Variants in ROBO1 observed in about 807,000 individuals in gnomAD.
ROBO1 encodes the protein roundabout guidance receptor 1, also known as roundabout homolog 1.
Under a neutral mutation model 195.9 loss-of-function variants are expected in ROBO1, and 149 were observed. The ratio of observed to expected loss-of-function variants is 0.76; its 90% CI spans 0.67 to 0.87. ROBO1 has a LOEUF of 0.87. ROBO1 is among the 40% of genes least tolerant of loss of function. The pLI, the probability that ROBO1 is intolerant of heterozygous loss-of-function variation, is 0.00. For synonymous variants in ROBO1, 816 were observed against 733.2 expected (o/e 1.11, Z -1.82); for missense variants, 1,933 against 2,068.3 (o/e 0.93, Z 1.27).
chr3:79,138,916 T>C (rs1268862121), intron 2 of ROBO1, among the ~76,000 whole-genome samples: 1 of 151,846 alleles, frequency 6.6e-6, no homozygotes, highest in African/African-American at 2.4e-5. Context: ...ATTAAAGTGA[T>C]ATTATAACAA....
intron 2 of ROBO1, among the ~76,000 whole-genome samples, chr3:79,525,537 C>CAG (rs1404961879): frequency 7.3e-6 from 1 of 137,582 alleles, no homozygotes; most frequent in Non-Finnish European, 1.5e-5. Flanking sequence ...ATTTATACTT[C>CAG]AGATATATAT....
At chr3:79,228,598 T>C (rs2082267266) in intron 2 of ROBO1, among the ~76,000 whole-genome samples, 1 of 152,096 alleles carries the variant, frequency 6.6e-6, no homozygotes, top group African/African-American at 2.4e-5. Flanking sequence ...TCCATTGCCA[T>C]AAATGGTTAC....
intron 2 of ROBO1, among the ~76,000 whole-genome samples, chr3:79,504,096 A>G (rs78936780): frequency 0.072 from 11,005 of 152,204 alleles, 575 homozygotes; most frequent in East Asian, 0.19. Flanking sequence ...TAAAAAATTA[A>G]CAATTATAAC....
At chr3:78,661,336 G>T in intron 15 of ROBO1, 75 bp from the exon 16 acceptor site, 5 of 921,540 alleles carry the variant, frequency 5.4e-6, no homozygotes, top group Non-Finnish European at 6.0e-6. Context: ...AAAATTAAAC[G>T]TTATAAAATG....
intron 2 of ROBO1, among the ~76,000 whole-genome samples, chr3:79,341,311 T>A (rs1434306740): frequency 6.6e-6 from 1 of 152,146 alleles, no homozygotes; most frequent in Non-Finnish European, 1.5e-5. Context: ...TGAAAAAAAC[T>A]AACATTCATA....
At chr3:79,201,478 A>G (rs2081762368) in intron 2 of ROBO1, among the ~76,000 whole-genome samples, 1 of 152,006 alleles carries the variant, frequency 6.6e-6, no homozygotes, top group Non-Finnish European at 1.5e-5. Context: ...TGGGGAAGGT[A>G]GTATCACAAA....
At chr3:78,948,862 C>A (rs549092180) in intron 3 of ROBO1, among the ~76,000 whole-genome samples, 1 of 152,168 alleles carries the variant, frequency 6.6e-6, no homozygotes, top group South Asian at 2.1e-4. Context: ...TCTTATACGC[C>A]AATAACAGAC....
chr3:79,530,018 C>T (rs1056274104), intron 2 of ROBO1, among the ~76,000 whole-genome samples: 1 of 152,092 alleles, frequency 6.6e-6, no homozygotes, highest in Non-Finnish European at 1.5e-5. Context: ...GAGAACCTTT[C>T]CTTCCTCACC....
chr3:78,614,673 A>C lies in ROBO1; in HGVS notation c.4410T>G (p.His1470Gln). The stretch of plus-strand genomic sequence containing the variant: ...CATCTGTGTAGGTTTCTCTGCGCAG[A>C]TGTCCTGGCTGGTGTTTCAGTTTCT... Reference protein sequence around the residue: ...PAKKLKHQPGHLRRETYTDDL... With the variant: ...PAKKLKHQPGQLRRETYTDDL... Residue 1470 changes from histidine (H) to glutamine (Q), a missense_variant, in exon 28 of 31, where the codon CAT becomes CAG. Physicochemically the swap from His to Gln is conservative, Grantham distance 24. Transcript: ENST00000464233. 1 of 1,613,780 alleles carries C rather than the reference A, an allele frequency of 6.2e-7. No individual in the cohort carries two copies. The highest frequency in any genetic ancestry group is 8.5e-7 in the Non-Finnish European group (1 of 1,179,806).
chr3:79,490,179 A>G (rs1939378756), intron 2 of ROBO1, among the ~76,000 whole-genome samples: 1 of 152,098 alleles, frequency 6.6e-6, no homozygotes, highest in East Asian at 1.9e-4. Flanking sequence ...ATCTCTTACT[A>G]GAAAAAAAAA....
intron 26 of ROBO1, among the ~76,000 whole-genome samples, chr3:78,621,619 T>C (rs1704461890): frequency 6.6e-6 from 1 of 152,172 alleles, no homozygotes; most frequent in African/African-American, 2.4e-5. Context: ...TACATTCTAT[T>C]GGAAAACAAA....
At chr3:79,554,250 A>G (rs995077945) in intron 2 of ROBO1, among the ~76,000 whole-genome samples, 4 of 152,076 alleles carry the variant, frequency 2.6e-5, no homozygotes, top group Non-Finnish European at 5.9e-5. Flanking sequence ...CATGGGACCC[A>G]GAAAAGGGAA....
chr3:79,606,121 C>T (rs1944476009), intron 1 of ROBO1, among the ~76,000 whole-genome samples: 1 of 150,510 alleles, frequency 6.6e-6, no homozygotes, highest in African/African-American at 2.5e-5. Context: ...CTTTAATTTA[C>T]TCATTTAAAA....
intron 1 of ROBO1, among the ~76,000 whole-genome samples, chr3:79,759,665 G>A (rs1272057251): frequency 6.6e-6 from 1 of 152,166 alleles, no homozygotes; most frequent in Non-Finnish European, 1.5e-5. Context: ...CTTTAATTCT[G>A]GCTAAACATA....
At chr3:79,681,176 T>C (rs1946935891) in intron 1 of ROBO1, among the ~76,000 whole-genome samples, 1 of 151,974 alleles carries the variant, frequency 6.6e-6, no homozygotes, top group Non-Finnish European at 1.5e-5. Context: ...TAGATAACGA[T>C]GAAGGAGTGG....
intron 4 of ROBO1, among the ~76,000 whole-genome samples, chr3:78,803,106 T>G (rs2084418748): frequency 6.6e-6 from 1 of 152,180 alleles, no homozygotes; most frequent in Non-Finnish European, 1.5e-5. Context: ...AAACATGGGC[T>G]CGTGCATCAG....
chr3:79,032,016 C>CA, intron 3 of ROBO1, among the ~76,000 whole-genome samples: 1 of 151,498 alleles, frequency 6.6e-6, no homozygotes. Context: ...GGTATGAAGC[C>CA]AAAAAAATGA....
Position 79,730,903 on chromosome 3 carries a change from A to G in ROBO1, c.-51+36849T>C, listed in dbSNP as rs1313930097. ...CGCCATTCTCCTGCCTCAGCCTTCC[A>G]AGTAGCTGGGACTACAGGTGCCCGC... On this transcript the variant is annotated intron_variant, in intron 1 of 30. Transcript: ENST00000464233. Among the ~76,000 whole-genome samples the G allele has an allele frequency of 2.7e-5, 4 of 149,770 alleles. No individual in the cohort carries two copies. The Admixed American group carries it at 2.7e-4, about 10-fold the overall frequency.
chr3:78,933,582 T>C (rs1254185647), intron 4 of ROBO1, among the ~76,000 whole-genome samples: 2 of 152,080 alleles, frequency 1.3e-5, no homozygotes, highest in Non-Finnish European at 2.9e-5. Flanking sequence ...CATTATTTTC[T>C]GATTTTTATT....
Sources: allele counts gnomAD v4.1 joint callset (sites outside exome capture counted in the v4.1 genomes callset), GRCh38; gene constraint gnomAD v4.1.1; transcripts MANE v1.5; gene names NCBI Gene and HGNC (gene_info 2026-07-23, HGNC 2026-07-21).